NTM: variants seen among roughly 807,000 people sequenced by gnomAD.
NTM encodes neurotrimin.
A neutral mutation model predicts 42.1 loss-of-function variants in NTM; 13 were observed. The ratio of observed to expected loss-of-function variants is 0.31; its 90% CI spans 0.20 to 0.49. NTM has a LOEUF of 0.49. Among genes scored for constraint, NTM ranks in the 20% least tolerant of loss-of-function variants. NTM has a pLI of 0.99. For synonymous variants in NTM, 187 were observed against 179.2 expected, an observed-to-expected ratio of 1.04 and a Z score of -0.35; for missense variants, 373 against 452.8, an observed-to-expected ratio of 0.82 and a Z score of 1.60.
intron 2 of NTM, among the ~76,000 whole-genome samples, chr11:131,952,264 A>G (rs937467307): frequency 2.6e-5 from 4 of 152,108 alleles, no homozygotes; most frequent in Non-Finnish European, 5.9e-5. Flanking sequence ...CTGTATTACT[A>G]TTTTCAAACT....
chr11:132,012,739 C>G (rs1205568789), intron 2 of NTM, among the ~76,000 whole-genome samples: 1 of 152,070 alleles, frequency 6.6e-6, no homozygotes, highest in African/African-American at 2.4e-5. Flanking sequence ...TTAGAACAAG[C>G]TAAATCCATA....
intron 2 of NTM, among the ~76,000 whole-genome samples, chr11:132,108,462 C>T (rs952226474): frequency 3.9e-5 from 6 of 152,084 alleles, no homozygotes; most frequent in African/African-American, 1.4e-4. Flanking sequence ...TGTTCTCACT[C>T]ATAAGTGGGA....
intron 1 of NTM, among the ~76,000 whole-genome samples, chr11:131,512,186 G>A (rs12224720): frequency 0.12 from 18,676 of 152,228 alleles, 1,380 homozygotes; most frequent in East Asian, 0.26. Flanking sequence ...GAAACTGCTC[G>A]ACTTCTTGTT....
chr11:131,890,506 A>C (rs751866220), intron 1 of NTM, among the ~76,000 whole-genome samples: 1 of 152,150 alleles, frequency 6.6e-6, no homozygotes, highest in East Asian at 1.9e-4. Context: ...GAAACTCATG[A>C]GCGCTCTCCT....
intron 1 of NTM, among the ~76,000 whole-genome samples, chr11:131,645,324 C>T (rs1192652993): frequency 3.9e-5 from 6 of 152,146 alleles, no homozygotes; most frequent in South Asian, 2.1e-4. Context: ...TTCTCCTCGC[C>T]GTGCGTTTGC....
intron 1 of NTM, among the ~76,000 whole-genome samples, chr11:131,626,612 C>G (rs1182565130): frequency 6.6e-6 from 1 of 152,142 alleles, no homozygotes; most frequent in Non-Finnish European, 1.5e-5. Context: ...CAAACCAGGA[C>G]GTGATGGGCA....
chr11:131,623,311 T>G (rs1452533308), intron 1 of NTM, among the ~76,000 whole-genome samples: 1 of 152,192 alleles, frequency 6.6e-6, no homozygotes, highest in Admixed American at 6.5e-5. Context: ...AGGACTGTTT[T>G]GAGAATCCAG....
intron 4 of NTM, among the ~76,000 whole-genome samples, chr11:132,277,579 G>A (rs975928740): frequency 5.3e-5 from 8 of 152,198 alleles, no homozygotes; most frequent in Admixed American, 2.0e-4. Flanking sequence ...GAATTTGGGC[G>A]TACTTGAATT....
chr11:131,531,520 A>G (rs2051275723), intron 1 of NTM, among the ~76,000 whole-genome samples: 1 of 152,218 alleles, frequency 6.6e-6, no homozygotes. Context: ...TAAGGAGGGA[A>G]GGAAACACTT....
At chr11:131,810,198 C>T (rs1228822295) in intron 1 of NTM, among the ~76,000 whole-genome samples, 1 of 152,154 alleles carries the variant, frequency 6.6e-6, no homozygotes, top group Non-Finnish European at 1.5e-5. Context: ...TGTCCTCCTA[C>T]CTTTCTCCTC....
At chr11:131,374,954 A>G (rs1941760337) in intron 1 of NTM, among the ~76,000 whole-genome samples, 1 of 152,216 alleles carries the variant, frequency 6.6e-6, no homozygotes, top group Admixed American at 6.5e-5. Flanking sequence ...ATTCAAGCTC[A>G]TGATCTGCTT....
chr11:131,951,053 A>G (rs1489894304), intron 2 of NTM, among the ~76,000 whole-genome samples: 2 of 152,074 alleles, frequency 1.3e-5, no homozygotes, highest in Non-Finnish European at 2.9e-5. Flanking sequence ...GCTGCTTTCT[A>G]CTACAATAGC....
intron 1 of NTM, among the ~76,000 whole-genome samples, chr11:131,905,802 G>A (rs545524047): frequency 1.1e-4 from 17 of 152,156 alleles, no homozygotes; most frequent in Admixed American, 3.9e-4. Context: ...GTTGATGAAG[G>A]GCTTCCCAAT....
intron 1 of NTM, among the ~76,000 whole-genome samples, chr11:131,830,108 A>AT (rs1406688167): frequency 1.3e-5 from 2 of 151,968 alleles, no homozygotes; most frequent in African/African-American, 4.8e-5. Context: ...GTTTGCAAAT[A>AT]TTTTCTCCCA....
At chr11:132,279,299 T>C (rs2093872406) in intron 4 of NTM, among the ~76,000 whole-genome samples, 2 of 152,224 alleles carry the variant, frequency 1.3e-5, no homozygotes, top group African/African-American at 4.8e-5. Flanking sequence ...GGAATCATTG[T>C]GCTATTTCTC....
At chr11:131,773,324 C>T (rs1295407753) in intron 1 of NTM, among the ~76,000 whole-genome samples, 1 of 152,216 alleles carries the variant, frequency 6.6e-6, no homozygotes, top group Non-Finnish European at 1.5e-5. Flanking sequence ...CCCCAAAGCC[C>T]CACTGCTTAA....
At chr11:131,975,017 CA>C (rs2064103010) in intron 2 of NTM, among the ~76,000 whole-genome samples, 1 of 152,178 alleles carries the variant, frequency 6.6e-6, no homozygotes, top group Non-Finnish European at 1.5e-5. Context: ...CCTGCATTGA[CA>C]AGTGAGTTTT....
chr11:131,765,604 T>G (rs987688017), intron 1 of NTM, among the ~76,000 whole-genome samples: 1 of 152,230 alleles, frequency 6.6e-6, no homozygotes, highest in Non-Finnish European at 1.5e-5. Flanking sequence ...ACATGGACCA[T>G]GTATACAGCC....
In NTM at chr11:132,307,790, C is replaced by T. The variant is rs202188991; in HGVS notation, c.628C>T (p.Pro210Ser). ...CAGTGCCTCCAATGACGTGGCCGCGCCCGTGGTACGGAGAGTAAAGGTCAC... is the reference window on the plus strand; with the variant it reads ...CAGTGCCTCCAATGACGTGGCCGCGTCCGTGGTACGGAGAGTAAAGGTCAC... ...ECSASNDVAAPVVRRVKVTVN... is the reference protein window; with the variant it reads ...ECSASNDVAASVVRRVKVTVN... Residue 210 changes from proline (P) to serine (S), a missense_variant, in exon 5 of 9, where the codon CCC becomes TCC. This residue lies in a region of NTM where 312 missense variants were observed against 353.5 expected (regional missense o/e 0.88). Coordinates refer to ENST00000683400, the MANE Select transcript of NTM (RefSeq NM_001352005.2). 10 of 1,614,194 alleles carry T rather than the reference C, an allele frequency of 6.2e-6. No homozygotes were observed. Among genetic ancestry groups the T allele is most frequent in the African/African-American group, 2.7e-5 (2 of 75,052 alleles).
Sources: gnomAD v4.1 joint callset for allele counts (sites outside exome capture counted in the v4.1 genomes callset) on GRCh38, gnomAD v4.1.1 for gene constraint, gnomAD v4.1.1 regional missense constraint, MANE v1.5 for transcripts, NCBI Gene and HGNC (gene_info 2026-07-23, HGNC 2026-07-21) for gene names.